Variants in TSPAN11 observed in about 807,000 individuals in gnomAD.
TSPAN11 encodes the protein tetraspanin-11.
A neutral mutation model predicts 32.9 loss-of-function variants in TSPAN11; 29 were observed. The observed-to-expected ratio is 0.88, with a 90% CI of 0.66 to 1.20. The LOEUF (loss-of-function observed/expected upper bound fraction) is 1.20. TSPAN11 is among the 50% of genes most tolerant of loss of function. The pLI is 0.00. For synonymous variants in TSPAN11, 140 were observed against 141.3 expected, an observed-to-expected ratio of 0.99 and a Z score of 0.07; for missense variants, 283 against 329.1, an observed-to-expected ratio of 0.86 and a Z score of 1.08.
chr12:30,970,375 C>T (rs1938823065), intron 3 of TSPAN11, among the ~76,000 whole-genome samples: 1 of 152,182 alleles, frequency 6.6e-6, no homozygotes, highest in East Asian at 1.9e-4. Context: ...AGTTCTGAAA[C>T]TGTGTTCTCC....
At chr12:30,936,866 C>T (rs1178381284) in intron 1 of TSPAN11, among the ~76,000 whole-genome samples, 1 of 152,052 alleles carries the variant, frequency 6.6e-6, no homozygotes, top group Non-Finnish European at 1.5e-5. Context: ...AGACAAGAGG[C>T]AAAGCACAGA....
the TSPAN11 span, among the ~76,000 whole-genome samples, chr12:31,004,744 C>T: frequency 6.6e-6 from 1 of 152,188 alleles, no homozygotes; most frequent in South Asian, 2.1e-4. Context: ...AAGGGGCGGC[C>T]TCCCATGCAG....
intron 1 of TSPAN11, among the ~76,000 whole-genome samples, chr12:30,934,632 AT>A (rs36120080): frequency 0.02 from 2,736 of 137,750 alleles, 53 homozygotes; most frequent in African/African-American, 0.05. Context: ...ATATTATGAG[AT>A]TTTTTTTTTT....
chr12:30,965,859 C>CA (rs1344830535), intron 3 of TSPAN11, among the ~76,000 whole-genome samples: 5 of 152,002 alleles, frequency 3.3e-5, no homozygotes, highest in Admixed American at 3.3e-4. Flanking sequence ...CAAGAGGGGG[C>CA]ACAGGAGAGG....
intron 1 of TSPAN11, among the ~76,000 whole-genome samples, chr12:30,944,014 A>G (rs1321413267): frequency 1.3e-5 from 2 of 152,178 alleles, no homozygotes; most frequent in Non-Finnish European, 2.9e-5. Flanking sequence ...AAGAACTCAG[A>G]GGTAGAAACT....
intron 3 of TSPAN11, among the ~76,000 whole-genome samples, chr12:30,969,090 C>T (rs1052902830): frequency 6.6e-6 from 1 of 152,178 alleles, no homozygotes; most frequent in African/African-American, 2.4e-5. Context: ...TCACTATTGC[C>T]GTCACCATGA....
chr12:31,001,672 G>A, the TSPAN11 span, among the ~76,000 whole-genome samples: 1 of 152,212 alleles, frequency 6.6e-6, no homozygotes, highest in African/African-American at 2.4e-5. Flanking sequence ...TTTCTCAATT[G>A]TGCTTTGCTG....
intron 2 of TSPAN11, among the ~76,000 whole-genome samples, chr12:30,962,787 C>T (rs748962106): frequency 6.6e-6 from 1 of 152,148 alleles, no homozygotes; most frequent in Admixed American, 6.6e-5. Flanking sequence ...GACTAGCGGG[C>T]AGAAGTCCAC....
At chr12:30,959,078 A>G (rs1938557806) in intron 2 of TSPAN11, among the ~76,000 whole-genome samples, 1 of 152,198 alleles carries the variant, frequency 6.6e-6, no homozygotes, top group South Asian at 2.1e-4. Context: ...GAAGCTCGGC[A>G]GACAGAGGCA....
intron 3 of TSPAN11, among the ~76,000 whole-genome samples, chr12:30,976,455 C>T (rs2140301252): frequency 6.6e-6 from 1 of 152,270 alleles, no homozygotes; most frequent in African/African-American, 2.4e-5. Flanking sequence ...ACTGACATTT[C>T]CCCCAGCTTT....
chr12:30,928,715 C>T (rs1937852974), intron 1 of TSPAN11, among the ~76,000 whole-genome samples: 1 of 152,182 alleles, frequency 6.6e-6, no homozygotes, highest in Non-Finnish European at 1.5e-5. Flanking sequence ...TGGTCCAAAT[C>T]AGGGCATCTT....
intron 2 of TSPAN11, among the ~76,000 whole-genome samples, chr12:30,959,895 T>G (rs1938577217): frequency 6.6e-6 from 1 of 151,078 alleles, no homozygotes; most frequent in Admixed American, 6.6e-5. Flanking sequence ...AAAGAGTTTT[T>G]GGGCTTGGTG....
chr12:30,964,020 C>A lies in TSPAN11; in HGVS notation c.276+3C>A. The A allele has an allele frequency of 6.2e-7, 1 of 1,612,344 alleles. No individual in the cohort carries two copies. Among genetic ancestry groups the A allele is most frequent in the South Asian group, 1.1e-5 (1 of 90,872 alleles). Reference sequence around the variant, plus strand: ...AGCGGAAGGGCTGCCTCTCCACGGTCAGTGCCCGCCCTGTGCTCTGCAGGG... The same window carrying A: ...AGCGGAAGGGCTGCCTCTCCACGGTAAGTGCCCGCCCTGTGCTCTGCAGGG... On this transcript the variant is annotated splice_donor_region_variant and intron_variant, in intron 3 of 7. Coordinates refer to ENST00000546076, the MANE Select transcript of TSPAN11 (RefSeq NM_001370302.1).
At chr12:30,985,665 C>A (rs987550875) in intron 7 of TSPAN11, among the ~76,000 whole-genome samples, 1 of 152,218 alleles carries the variant, frequency 6.6e-6, no homozygotes, top group African/African-American at 2.4e-5. Context: ...CAGGCCTGGG[C>A]CACTCTGTCC....
At chr12:31,000,305 TCCC>T (rs1184859340), downstream of TSPAN11, among the ~76,000 whole-genome samples, 1 of 152,116 alleles carries the variant, frequency 6.6e-6, no homozygotes, top group African/African-American at 2.4e-5. Flanking sequence ...ATACACCAAC[TCCC>T]CTTCCCTGAC....
In TSPAN11 at chr12:30,994,606, G is replaced by A. The variant is rs1376323064; in HGVS notation, c.*2691G>A. 2.0e-5 allele frequency: 3 copies of A among 152,200 alleles called. No individual in the cohort carries two copies. The highest frequency in any genetic ancestry group is 4.4e-5 in the Non-Finnish European group (3 of 68,060). 9.4% of individuals were successfully genotyped at this position (152,200 alleles called of 1,614,324 possible). A position where few individuals can be genotyped will look rare whatever the true frequency, so the allele number is the denominator to read the frequency against. On this transcript the variant is annotated 3_prime_UTR_variant, in exon 8 of 8. Transcript: ENST00000546076. Reference sequence around the variant, plus strand: ...GAAACGTGGCCTTGGCTGACGGGTTGGAATATTTGTGACCGTTCTTGTCTT... The same window carrying A: ...GAAACGTGGCCTTGGCTGACGGGTTAGAATATTTGTGACCGTTCTTGTCTT...
At position 30,963,814 on chromosome 12, in the gene TSPAN11, G is replaced by A. The variant is rs1396242388; in HGVS notation, c.85-12G>A. On this transcript the variant is annotated splice_polypyrimidine_tract_variant and intron_variant, in intron 2 of 7. Coordinates refer to ENST00000546076, the MANE Select transcript of TSPAN11 (RefSeq NM_001370302.1). ...CCGCCACCCCCTGCTCTAACCCGGT[G>A]GTCTCCTGCAGGTCGGGGGAGCAGC... The A allele has an allele frequency of 1.2e-6, 2 of 1,604,114 alleles. No homozygotes were observed. Among genetic ancestry groups the A allele is most frequent in the Non-Finnish European group, 1.7e-6 (2 of 1,179,026 alleles).
At position 30,984,552 on chromosome 12, in the gene TSPAN11, C is replaced by CTTTTT. The variant is rs55772956; in HGVS notation, c.702+1422_702+1426dup. The stretch of plus-strand genomic sequence containing the variant: ...AAGGAGTAGTGTTCTTCGCTTTTTG[C>CTTTTT]TTTTTTTTTTTTTTTTTTTTTTTTG... On this transcript the variant is annotated intron_variant, in intron 7 of 7. Coordinates refer to ENST00000546076, the MANE Select transcript of TSPAN11 (RefSeq NM_001370302.1). Among the ~76,000 whole-genome samples, 113 of 68,572 alleles carry CTTTTT rather than the reference C, an allele frequency of 1.6e-3. 3 individuals are homozygous for CTTTTT. The highest frequency in any genetic ancestry group is 5.7e-3 in the East Asian group (12 of 2,114). 45.0% of individuals were successfully genotyped at this position (68,572 alleles called of 152,430 possible).
At chr12:30,991,475 GAGA>G (rs1939310712) in intron 7 of TSPAN11, among the ~76,000 whole-genome samples, 1 of 152,202 alleles carries the variant, frequency 6.6e-6, no homozygotes, top group African/African-American at 2.4e-5. Flanking sequence ...GCCATCTCTG[GAGA>G]AGATCTAGGA....
Sources: allele counts gnomAD v4.1 joint callset (sites outside exome capture counted in the v4.1 genomes callset), GRCh38; gene constraint gnomAD v4.1.1; transcripts MANE v1.5; gene names NCBI Gene and HGNC (gene_info 2026-07-23, HGNC 2026-07-21).